Variants in TRIB3 observed in about 807,000 individuals in gnomAD.
TRIB3 encodes tribbles pseudokinase 3.
In TRIB3, 20 loss-of-function variants were observed where a neutral mutation model predicts 16.6. The observed-to-expected ratio is 1.20, with a 90% CI of 0.85 to 1.75. The LOEUF (loss-of-function observed/expected upper bound fraction) is 1.75, where lower values mean the gene tolerates loss of function less well. TRIB3 is among the 40% of genes most tolerant of loss of function. The pLI is 0.00. For synonymous variants in TRIB3, 208 were observed against 217.0 expected (o/e 0.96, Z 0.36); for missense variants, 484 against 488.9 (o/e 0.99, Z 0.10).
At chr20:390,021 G>A (rs1046754613) in intron 2 of TRIB3, among the ~76,000 whole-genome samples, 4 of 152,120 alleles carry the variant, frequency 2.6e-5, no homozygotes, top group African/African-American at 9.7e-5. Context: ...CTAAACAAGC[G>A]AATAAGTAAA....
At chr20:392,610 G>A (rs1405444858) in intron 3 of TRIB3, among the ~76,000 whole-genome samples, 1 of 151,782 alleles carries the variant, frequency 6.6e-6, no homozygotes, top group Non-Finnish European at 1.5e-5. Context: ...AGGCTGGAAT[G>A]CAATGGCGCG....
rs183708134 is a variant in TRIB3, at chr20:381,072, C to G, written c.-98C>G. 1,747 of 152,190 alleles carry G rather than the reference C, an allele frequency of 0.011. 15 individuals carry two copies. Among genetic ancestry groups the G allele is most frequent in the Non-Finnish European group, 0.015 (1,052 of 67,996 alleles). The allele number at this position is 152,190 out of a possible 1,614,324, so 9.4% of individuals were successfully genotyped here. On this transcript the variant is annotated 5_prime_UTR_variant, in exon 1 of 4. Transcript: ENST00000217233. The stretch of plus-strand genomic sequence containing the variant: ...CAGGGCTGGAGCTGGGCTGGGATCC[C>G]GAGCTCGGCAGCAGCGCAGCGGGCC...
At chr20:390,367 C>T (rs1224499005) in intron 2 of TRIB3, among the ~76,000 whole-genome samples, 1 of 152,140 alleles carries the variant, frequency 6.6e-6, no homozygotes, top group East Asian at 1.9e-4. Context: ...CTTATTCCAG[C>T]ATCTTTCTTG....
intron 2 of TRIB3, among the ~76,000 whole-genome samples, chr20:391,001 CAAAAAAAAAAAAAA>C (rs11374668): frequency 2.3e-5 from 2 of 85,786 alleles, no homozygotes; most frequent in Non-Finnish European, 4.6e-5. Context: ...GACTCCGTCT[CAAAAAAAAAAAAAA>C]AAAAAAAAAG....
At chr20:393,572 C>T (rs1210730562) in intron 3 of TRIB3, among the ~76,000 whole-genome samples, 3 of 152,208 alleles carry the variant, frequency 2.0e-5, no homozygotes, top group Non-Finnish European at 4.4e-5. Flanking sequence ...CTGCCTCAGC[C>T]TCCCAAAATC....
At chr20:385,893 C>T (rs1180318825) in intron 1 of TRIB3, among the ~76,000 whole-genome samples, 2 of 146,052 alleles carry the variant, frequency 1.4e-5, no homozygotes, top group Admixed American at 1.4e-4. Context: ...AGTCTTTACT[C>T]TGTCACCAGG....
chr20:396,270 G>C lies in TRIB3; in HGVS notation c.657G>C (p.Lys219Asn). The C allele has an allele frequency of 6.2e-7, 1 of 1,613,962 alleles. No individual in the cohort carries two copies. Among genetic ancestry groups the C allele is most frequent in the Non-Finnish European group, 8.5e-7 (1 of 1,180,022 alleles). ...LTGPDDSLWD[K>N]HACPAYVGPE... is the part of the protein sequence containing the mutation. ...GGCCAGATGATTCCCTGTGGGACAA[G>C]CACGCGTGCCCAGCCTACGTGGGAC... Residue 219 changes from lysine (K) to asparagine (N), a missense_variant, in exon 4 of 4, where the codon AAG (lysine) becomes AAC (asparagine). Transcript: ENST00000217233.
intron 1 of TRIB3, among the ~76,000 whole-genome samples, chr20:387,337 TCTC>T (rs1195888543): frequency 6.6e-6 from 1 of 151,578 alleles, no homozygotes; most frequent in African/African-American, 2.4e-5. Context: ...ATAGTAAGAG[TCTC>T]CTCCTAATCT....
At chr20:394,285 G>A (rs1270332836) in intron 3 of TRIB3, among the ~76,000 whole-genome samples, 2 of 152,270 alleles carry the variant, frequency 1.3e-5, no homozygotes, top group Admixed American at 6.5e-5. Context: ...AAAGTGCTGG[G>A]ATTATAGGCA....
At chr20:392,730 C>G (rs1031499068) in intron 3 of TRIB3, among the ~76,000 whole-genome samples, 2 of 151,952 alleles carry the variant, frequency 1.3e-5, no homozygotes, top group South Asian at 2.1e-4. Context: ...CTCATTTTTT[C>G]TATGTTTAGT....
intron 1 of TRIB3, among the ~76,000 whole-genome samples, chr20:382,099 C>CTGTGTGTGTGTGTGTGTG (rs5839857): frequency 9.8e-5 from 14 of 142,258 alleles, no homozygotes; most frequent in Non-Finnish European, 1.9e-4. Context: ...GCTGGGAGGG[C>CTGTGTGTGTGTGTGTGTG]TGTGTGTGTG....
At chr20:387,744 G>A (rs1195839053) in intron 1 of TRIB3, among the ~76,000 whole-genome samples, 3 of 152,140 alleles carry the variant, frequency 2.0e-5, no homozygotes, top group Non-Finnish European at 2.9e-5. Flanking sequence ...TCTACTGCCT[G>A]ACATTTGGGA....
Position 391,597 on chromosome 20 carries a change from G to C in TRIB3, c.584+18G>C. 1 of 1,597,110 alleles carries C rather than the reference G, an allele frequency of 6.3e-7. No homozygotes were observed. Among genetic ancestry groups the C allele is most frequent in the Non-Finnish European group, 8.5e-7 (1 of 1,170,050 alleles). The stretch of plus-strand genomic sequence containing the variant: ...CGTGAGAGGTGAGTGTGGTCTCAGA[G>C]ACCCCAGCCACAGACACACCCAGGG... On this transcript the variant is annotated intron_variant, in intron 3 of 3. Transcript: ENST00000217233.
chr20:385,850 A>G (rs1264170061), intron 1 of TRIB3: 1 of 144,622 alleles, frequency 6.9e-6, no homozygotes, highest in Non-Finnish European at 1.5e-5. Flanking sequence ...GGCTGATCAC[A>G]CTGTATGTGA....
chr20:390,604 C>T (rs975843611), intron 2 of TRIB3, among the ~76,000 whole-genome samples: 2 of 152,134 alleles, frequency 1.3e-5, no homozygotes, highest in African/African-American at 2.4e-5. Context: ...CTGCATCATC[C>T]GCCCTTCCGG....
At chr20:387,966 C>G (rs1281228308) in intron 1 of TRIB3, 45 bp from the exon 2 acceptor site, 6 of 1,580,276 alleles carry the variant, frequency 3.8e-6, no homozygotes, top group South Asian at 1.1e-5. Context: ...AAAGGAGGGG[C>G]CACCAAGCAG....
At position 393,446 on chromosome 20, in the gene TRIB3, C is replaced by T. The variant is rs192220321; in HGVS notation, c.584+1867C>T. Among the ~76,000 whole-genome samples, 241 of 152,246 alleles carry T rather than the reference C, an allele frequency of 1.6e-3. 1 individual carries two copies. The highest frequency in any genetic ancestry group is 2.0e-3 in the Non-Finnish European group (135 of 68,020). On this transcript the variant is annotated intron_variant, in intron 3 of 3. Transcript: ENST00000217233. ...TCCCGGGCTCAAGTGATCCTCCCAC[C>T]TCAGCCTCCTGAGTAGTTGGTTCTA... is the stretch of plus-strand genomic sequence containing the variant.
intron 1 of TRIB3, among the ~76,000 whole-genome samples, chr20:385,962 A>G (rs542566009): frequency 4.0e-5 from 6 of 151,624 alleles, no homozygotes; most frequent in South Asian, 2.1e-4. Context: ...GGCTCAAGCA[A>G]TCTTCCCACC....
chr20:387,882 C>G (rs1228168551), intron 1 of TRIB3, 129 bp from the exon 2 acceptor site: 1 of 1,130,618 alleles, frequency 8.8e-7, no homozygotes, highest in African/African-American at 1.6e-5. Flanking sequence ...GGATATGTGA[C>G]TTTGTCATTT....
Sources: allele counts gnomAD v4.1 joint callset (sites outside exome capture counted in the v4.1 genomes callset), GRCh38; gene constraint gnomAD v4.1.1; transcripts MANE v1.5; gene names NCBI Gene and HGNC (gene_info 2026-07-23, HGNC 2026-07-21).